Variants in PHACTR3 observed in about 807,000 individuals in gnomAD.
The protein encoded by PHACTR3 is protein phosphatase 1, regulatory subunit 123.
Under a neutral mutation model 66.8 loss-of-function variants are expected in PHACTR3, and 16 were observed. The observed-to-expected ratio is 0.24, with a 90% CI of 0.16 to 0.36. The LOEUF (loss-of-function observed/expected upper bound fraction) is 0.36. Among genes scored for constraint, PHACTR3 ranks in the 10% least tolerant of loss-of-function variants. The probability of loss-of-function intolerance (pLI) is 1.00; values close to 1 mark genes in which losing one functional copy is unlikely to be tolerated. For missense variants in PHACTR3, 647 were observed against 719.9 expected (o/e 0.90, Z 1.16); for synonymous variants, 323 against 292.1 (o/e 1.11, Z -1.08).
intron 1 of PHACTR3, among the ~76,000 whole-genome samples, chr20:59,727,333 A>C (rs1034645925): frequency 1.3e-5 from 2 of 151,926 alleles, no homozygotes; most frequent in African/African-American, 4.8e-5. Flanking sequence ...TGATGTGTCC[A>C]TTTGTCCGCT....
At chr20:59,791,441 G>A (rs1020359503) in intron 7 of PHACTR3, among the ~76,000 whole-genome samples, 1 of 152,126 alleles carries the variant, frequency 6.6e-6, no homozygotes, top group Admixed American at 6.5e-5. Flanking sequence ...AAGCTCCCTG[G>A]TAGGTTGAAG....
rs541195638 is a variant in PHACTR3, at chr20:59,581,786, C to T, written c.109+4169C>T. ...GTCCCAGCTACTTGGGAGGCTGAGG[C>T]AGGAGAAAGGCGTGAACCCGGTAGG... On this transcript the variant is annotated intron_variant, in intron 1 of 12. Transcript: ENST00000359926. 8.6e-5 allele frequency among the ~76,000 whole-genome samples: 13 copies of T among 151,618 alleles called. No homozygotes were observed. The South Asian group carries it at 1.9e-3, about 22-fold the overall frequency.
At chr20:59,832,609 C>T (rs978328332) in intron 8 of PHACTR3, among the ~76,000 whole-genome samples, 2 of 152,164 alleles carry the variant, frequency 1.3e-5, no homozygotes, top group Admixed American at 6.5e-5. Flanking sequence ...AGTCCTGGCA[C>T]GCCCACACCC....
intron 1 of PHACTR3, among the ~76,000 whole-genome samples, chr20:59,636,259 T>C: frequency 6.6e-6 from 1 of 152,216 alleles, no homozygotes; most frequent in Admixed American, 6.5e-5. Flanking sequence ...TTGGACAGTT[T>C]AATGGGGGCA....
chr20:59,702,421 A>G (rs1231328180), intron 1 of PHACTR3, among the ~76,000 whole-genome samples: 1 of 152,132 alleles, frequency 6.6e-6, no homozygotes, highest in Non-Finnish European at 1.5e-5. Context: ...AAGTCTTCTC[A>G]CATCCAGATC....
chr20:59,710,908 G>A (rs1022179882), intron 1 of PHACTR3, among the ~76,000 whole-genome samples: 1 of 123,484 alleles, frequency 8.1e-6, no homozygotes. Context: ...GAAAAATAAA[G>A]TCTTTTTTCT....
chr20:59,832,892 G>A (rs1033375831), intron 8 of PHACTR3, among the ~76,000 whole-genome samples: 3 of 152,192 alleles, frequency 2.0e-5, no homozygotes, highest in East Asian at 1.9e-4. Flanking sequence ...TAGTCTGAAC[G>A]GTGGCCTGGC....
Position 59,841,475 on chromosome 20 carries a change from A to G in PHACTR3, c.1527A>G (p.Lys509=), listed in dbSNP as rs939756500. ...IRFSDYVEVA[K]AQDYDRRADK... ...TCAGTGATTACGTGGAAGTAGCAAAAGCGCAGGACTATGACAGGAGGGCAG... is the reference window on the plus strand; with the variant it reads ...TCAGTGATTACGTGGAAGTAGCAAAGGCGCAGGACTATGACAGGAGGGCAG... Residue 509 remains lysine, a synonymous_variant, in exon 11 of 13, where the codon AAA becomes AAG. Coordinates refer to ENST00000371015, the MANE Select transcript of PHACTR3 (RefSeq NM_080672.5). 6.2e-7 allele frequency: 1 copy of G among 1,613,754 alleles called. No individual in the cohort carries two copies. Among genetic ancestry groups the G allele is most frequent in the Non-Finnish European group, 8.5e-7 (1 of 1,179,764 alleles).
At chr20:59,816,673 G>T (rs1232873655) in intron 8 of PHACTR3, among the ~76,000 whole-genome samples, 1 of 152,166 alleles carries the variant, frequency 6.6e-6, no homozygotes, top group Admixed American at 6.5e-5. Flanking sequence ...CTCAGTGCCT[G>T]GTACACAGTA....
At chr20:59,627,524 G>T (rs2034500193) in intron 1 of PHACTR3, among the ~76,000 whole-genome samples, 1 of 152,186 alleles carries the variant, frequency 6.6e-6, no homozygotes, top group Non-Finnish European at 1.5e-5. Flanking sequence ...GCAGGATGGG[G>T]GTTGGGCAAA....
chr20:59,756,779 C>T (rs889119530), intron 4 of PHACTR3, among the ~76,000 whole-genome samples: 4 of 152,012 alleles, frequency 2.6e-5, no homozygotes, highest in South Asian at 4.2e-4. Flanking sequence ...CCCATTAACT[C>T]GTCATTTACA....
At chr20:59,631,126 T>C (rs2034644998) in intron 1 of PHACTR3, among the ~76,000 whole-genome samples, 1 of 152,182 alleles carries the variant, frequency 6.6e-6, no homozygotes, top group Non-Finnish European at 1.5e-5. Context: ...AGAGAAGCCA[T>C]GCTCAGGGAA....
intron 1 of PHACTR3, among the ~76,000 whole-genome samples, chr20:59,581,880 CAAA>C (rs11478164): frequency 3.8e-4 from 51 of 133,496 alleles, no homozygotes; most frequent in Middle Eastern, 3.9e-3. Flanking sequence ...GACTCCGTCT[CAAA>C]AAAAAAAAAA....
At chr20:59,720,046 C>G (rs2038235429) in intron 1 of PHACTR3, among the ~76,000 whole-genome samples, 1 of 152,186 alleles carries the variant, frequency 6.6e-6, no homozygotes, top group Non-Finnish European at 1.5e-5. Context: ...TTCCAGCTCT[C>G]TCATAGGAGG....
chr20:59,694,501 A>C (rs141223123), intron 1 of PHACTR3, among the ~76,000 whole-genome samples: 5 of 151,898 alleles, frequency 3.3e-5, no homozygotes, highest in African/African-American at 7.2e-5. Context: ...CTAGATAGGA[A>C]GGAAATGAGA....
At chr20:59,772,953 A>C (rs999139817) in intron 5 of PHACTR3, among the ~76,000 whole-genome samples, 1 of 152,172 alleles carries the variant, frequency 6.6e-6, no homozygotes, top group African/African-American at 2.4e-5. Context: ...AACAAGAAGC[A>C]GCTTCAGGAA....
rs201679907 is a variant in PHACTR3 at position 59,626,097 on chromosome 20, A to T, written c.118+20965A>T. ...ATATTATTTGCAATCCTCTGCAGGG[A>T]ATTTAAAAATGAAACCATTCTGAAC... On this transcript the variant is annotated intron_variant, in intron 1 of 12. Coordinates refer to ENST00000371015, the MANE Select transcript of PHACTR3 (RefSeq NM_080672.5). Among the ~76,000 whole-genome samples the T allele has an allele frequency of 5.3e-5, 8 of 152,316 alleles. No individual in the cohort carries two copies. The East Asian group carries it at 1.4e-3, about 26-fold the overall frequency.
At chr20:59,713,158 T>G (rs2037966332) in intron 1 of PHACTR3, among the ~76,000 whole-genome samples, 1 of 152,202 alleles carries the variant, frequency 6.6e-6, no homozygotes, top group Non-Finnish European at 1.5e-5. Flanking sequence ...AATGTGTGCC[T>G]TTTTGGGCAT....
intron 1 of PHACTR3, among the ~76,000 whole-genome samples, chr20:59,709,994 T>C (rs2037854571): frequency 6.6e-6 from 1 of 152,184 alleles, no homozygotes; most frequent in African/African-American, 2.4e-5. Flanking sequence ...GAACCTGTTG[T>C]GTTCTGACAT....
Sources: allele counts gnomAD v4.1 joint callset (sites outside exome capture counted in the v4.1 genomes callset), GRCh38; gene constraint gnomAD v4.1.1; transcripts MANE v1.5; gene names NCBI Gene and HGNC (gene_info 2026-07-23, HGNC 2026-07-21).